RAD21: variants seen among roughly 807,000 people sequenced by gnomAD.
RAD21 encodes the protein double-strand-break repair protein rad21 homolog.
RAD21 carries 18 observed loss-of-function variants against 71.5 expected under a neutral mutation model. The observed-to-expected ratio is 0.25, with a 90% confidence interval of 0.17 to 0.37. The LOEUF (loss-of-function observed/expected upper bound fraction) is 0.37, where lower values mean the gene tolerates loss of function less well. RAD21 is among the 10% of genes least tolerant of loss of function. The probability of loss-of-function intolerance (pLI) is 1.00; values close to 1 mark genes in which losing one functional copy is unlikely to be tolerated. For missense variants in RAD21, 493 were observed against 769.1 expected (o/e 0.64, Z 4.25); for synonymous variants, 248 against 254.0 (o/e 0.98, Z 0.22).
rs35902828 is a variant in RAD21, at chr8:116,856,292, TAAAAAA to T, written c.815-10_815-5del. ...TCAGGACTATCAGGCCCACCCACTGTAAAAAAAAAAAAAAAAAAAAAAAGTCACAAA... is the reference window on the plus strand; with the variant it reads ...TCAGGACTATCAGGCCCACCCACTGTAAAAAAAAAAAAAAAAAGTCACAAA... On this transcript the variant is annotated splice_polypyrimidine_tract_variant and splice_region_variant and intron_variant, in intron 7 of 13. Coordinates refer to ENST00000297338, the MANE Select transcript of RAD21 (RefSeq NM_006265.3). The T allele has an allele frequency of 2.0e-4, 232 of 1,174,566 alleles. No individual in the cohort carries two copies. Among genetic ancestry groups the T allele is most frequent in the South Asian group, 7.0e-4 (22 of 31,578 alleles). 72.8% of individuals were successfully genotyped at this position (1,174,566 alleles called of 1,614,324 possible).
Position 116,852,577 on chromosome 8 carries a change from T to C in RAD21, c.1293A>G (p.Gln431=). The change falls in exon 10 of 14, where the codon CAA becomes CAG. Residue 431 remains glutamine (Q), a synonymous_variant. Transcript: ENST00000297338. ...TAACATCACGCTGCTGATGCTGCTG[T>C]TGCTGGTCCTCTCTAGGAACCTCTG... ...ENPEVPREDQ[Q]QQHQQRDVID... is the part of the protein sequence containing the mutation. The C allele has an allele frequency of 1.9e-6, 3 of 1,613,142 alleles. No individual in the cohort carries two copies. Among genetic ancestry groups the C allele is most frequent in the South Asian group, 2.2e-5 (2 of 90,930 alleles).
rs1434332285 is a variant in RAD21, at chr8:116,846,732, C to G, written c.*768G>C. 4.5e-6 allele frequency: 1 copy of G among 220,130 alleles called. No individual in the cohort carries two copies. The highest frequency in any genetic ancestry group is 9.1e-6 in the Non-Finnish European group (1 of 109,658). The allele number at this position is 220,130 out of a possible 1,614,324, so 13.6% of individuals were successfully genotyped here. Reference sequence around the variant, plus strand: ...TTTTTAAAACTTTGATTTATAGCTCCTAGAAAGTTATGTTTTTTAATAGTC... The same window carrying G: ...TTTTTAAAACTTTGATTTATAGCTCGTAGAAAGTTATGTTTTTTAATAGTC... On this transcript the variant is annotated 3_prime_UTR_variant, in exon 14 of 14. Transcript: ENST00000297338.
intron 9 of RAD21, among the ~76,000 whole-genome samples, chr8:116,853,791 C>CTG (rs1812403274): frequency 6.6e-6 from 1 of 152,008 alleles, no homozygotes; most frequent in South Asian, 2.1e-4. Context: ...TTTTGGAATA[C>CTG]TGTGGAATGT....
At chr8:116,858,275 T>C (rs891301437) in intron 5 of RAD21, 77 bp downstream of exon 5, 1 of 1,111,082 alleles carries the variant, frequency 9.0e-7, no homozygotes, top group Non-Finnish European at 1.3e-6. Flanking sequence ...GTCTATAGTC[T>C]GGTTTTCTTT....
rs771943412 is a variant in RAD21 at position 116,852,063 on chromosome 8, T to A, written c.1355A>T (p.Gln452Leu). 1.9e-6 allele frequency: 3 copies of A among 1,610,792 alleles called. No homozygotes were observed. The highest frequency in any genetic ancestry group is 2.2e-5 in the South Asian group (2 of 90,982). Residue 452 changes from glutamine (Q) to leucine (L), a missense_variant, in exon 11 of 14, where the codon CAG becomes CTG. Coordinates refer to ENST00000297338, the MANE Select transcript of RAD21 (RefSeq NM_006265.3). ...TCTGCTGGCCTCCATCACTGACTCCTGGAGGCGGCTTGGCTCTTCAATAAT... is the reference window on the plus strand; with the variant it reads ...TCTGCTGGCCTCCATCACTGACTCCAGGAGGCGGCTTGGCTCTTCAATAAT... ...EPIIEEPSRL[Q>L]ESVMEASRTN... is the part of the protein sequence containing the mutation.
intron 2 of RAD21, among the ~76,000 whole-genome samples, chr8:116,864,394 T>C (rs1350334722): frequency 6.6e-6 from 1 of 152,134 alleles, no homozygotes; most frequent in East Asian, 1.9e-4. Context: ...ATTTTATGTG[T>C]ATTTTCTACA....
At chr8:116,862,683 T>A (rs1393062446) in intron 3 of RAD21, among the ~76,000 whole-genome samples, 2 of 152,216 alleles carry the variant, frequency 1.3e-5, no homozygotes, top group Non-Finnish European at 2.9e-5. Flanking sequence ...GTTGGCAGAC[T>A]CCAGTTTTAT....
intron 2 of RAD21, among the ~76,000 whole-genome samples, chr8:116,864,468 A>C (rs1321207569): frequency 6.6e-6 from 1 of 152,132 alleles, no homozygotes; most frequent in Non-Finnish European, 1.5e-5. Flanking sequence ...TGTGACTTAC[A>C]GCATAAATGA....
At chr8:116,869,818 C>G (rs1039185492) in intron 1 of RAD21, among the ~76,000 whole-genome samples, 2 of 152,146 alleles carry the variant, frequency 1.3e-5, no homozygotes, top group Non-Finnish European at 2.9e-5. Context: ...GGACTAAAAT[C>G]TCTTGAATTA....
In RAD21 at chr8:116,859,784, T is replaced by C. The variant is rs140870856; in HGVS notation, c.375-1326A>G. ...TGTTCAAGTAAAATGAAGAGTCACA[T>C]GTATCTCACTTTAAATCAAAAGCTA... On this transcript the variant is annotated intron_variant, in intron 4 of 13. Coordinates refer to ENST00000297338, the MANE Select transcript of RAD21 (RefSeq NM_006265.3). 6.0e-3 allele frequency among the ~76,000 whole-genome samples: 913 copies of C among 152,028 alleles called. 3 individuals are homozygous for C. The highest frequency in any genetic ancestry group is 9.7e-3 in the Admixed American group (148 of 15,252).
chr8:116,874,516 C>T (rs1172872593), intron 1 of RAD21, 95 bp downstream of exon 1: 1 of 255,140 alleles, frequency 3.9e-6, no homozygotes, highest in Admixed American at 6.0e-5. Flanking sequence ...CTCGCCCTCC[C>T]GCCCCCAGGA....
Position 116,857,354 on chromosome 8 carries a change from T to C in RAD21, c.601A>G (p.Asn201Asp), listed in dbSNP as rs1812491007. 6.2e-7 allele frequency: 1 copy of C among 1,612,878 alleles called. No homozygotes were observed. The highest frequency in any genetic ancestry group is 8.5e-7 in the Non-Finnish European group (1 of 1,179,614). ...LLLESEQSTS[N>D]LNEKINHLEY... ...AAATGGTTAATTTTCTCATTCAGAT[T>C]GCTGGTGCTCTGTTCAGACTCTAAT... Residue 201 changes from asparagine (N) to aspartate (D), a missense_variant, in exon 6 of 14, where the codon AAT becomes GAT. By Grantham distance (23) the Asn-to-Asp change is conservative. Around this residue, in one of 5 missense-constraint regions of RAD21, gnomAD observed 165 missense variants for 229.6 expected, o/e 0.72. Transcript: ENST00000297338.
At chr8:116,856,346 T>G in intron 7 of RAD21, 58 bp from the exon 8 acceptor site, 1 of 1,344,668 alleles carries the variant, frequency 7.4e-7, no homozygotes, top group Non-Finnish European at 9.6e-7. Context: ...ATAACATATA[T>G]CCCACAAATG....
chr8:116,858,258 T>A, intron 5 of RAD21, 94 bp downstream of exon 5: 1 of 913,026 alleles, frequency 1.1e-6, no homozygotes, highest in South Asian at 1.7e-5. Context: ...AAATTTTAAG[T>A]CTTTCTGTCT....
intron 6 of RAD21, 40 bp downstream of exon 6, chr8:116,857,227 A>C: frequency 6.5e-7 from 1 of 1,548,932 alleles, no homozygotes; most frequent in African/African-American, 1.4e-5. Flanking sequence ...CTTAATAAAG[A>C]AATTCTGTTT....
chr8:116,856,438 C>T (rs1380612226), intron 7 of RAD21, 150 bp from the exon 8 acceptor site: 2 of 1,287,244 alleles, frequency 1.6e-6, no homozygotes, highest in East Asian at 5.6e-5. Context: ...AATGGGAAAG[C>T]CCCGCCAGAC....
intron 1 of RAD21, among the ~76,000 whole-genome samples, chr8:116,870,345 AGC>A (rs1812792978): frequency 6.6e-6 from 1 of 152,208 alleles, no homozygotes; most frequent in African/African-American, 2.4e-5. Flanking sequence ...TGGTCAATAT[AGC>A]AAGACCCCGT....
chr8:116,868,171 T>C (rs992695271), intron 1 of RAD21, among the ~76,000 whole-genome samples: 3 of 152,192 alleles, frequency 2.0e-5, no homozygotes, highest in African/African-American at 7.2e-5. Flanking sequence ...GCCTCTCAAG[T>C]AGTTGGAACT....
At chr8:116,860,985 A>T (rs990082937) in intron 4 of RAD21, among the ~76,000 whole-genome samples, 5 of 152,176 alleles carry the variant, frequency 3.3e-5, no homozygotes, top group Admixed American at 3.3e-4. Context: ...TGAATAACTG[A>T]CATATAAGGT....
Sources: gnomAD v4.1 joint callset for allele counts (sites outside exome capture counted in the v4.1 genomes callset) on GRCh38, gnomAD v4.1.1 for gene constraint, gnomAD v4.1.1 regional missense constraint, MANE v1.5 for transcripts, NCBI Gene and HGNC (gene_info 2026-07-23, HGNC 2026-07-21) for gene names.